The following LRRK2 variants were observed in gnomAD, a reference collection of about 807,000 sequenced individuals.
LRRK2 encodes the protein leucine-rich repeat serine/threonine-protein kinase 2.
A neutral mutation model predicts 302.6 loss-of-function variants in LRRK2; 203 were observed. The ratio of observed to expected loss-of-function variants is 0.67; its 90% CI spans 0.60 to 0.75. LRRK2 has a LOEUF of 0.75. Among genes scored for constraint, LRRK2 ranks in the 30% least tolerant of loss-of-function variants. The pLI is 0.00. For synonymous variants in LRRK2, 1,066 were observed against 1,031.9 expected, an observed-to-expected ratio of 1.03 and a Z score of -0.63; for missense variants, 2,830 against 2,951.0, an observed-to-expected ratio of 0.96 and a Z score of 0.95.
chr12:40,284,002 T>C lies in LRRK2; in HGVS notation c.2369T>C (p.Leu790Pro). 6.2e-7 allele frequency: 1 copy of C among 1,614,042 alleles called. No individual in the cohort carries two copies. The highest frequency in any genetic ancestry group is 8.5e-7 in the Non-Finnish European group (1 of 1,179,920). Reference protein sequence around the residue: ...GKGDSQIISLLLRRLALDVAN... With the variant: ...GKGDSQIISLPLRRLALDVAN... ...GGTGACAGCCAGATCATCAGCTTGCTCTTAAGGAGGCTGGCCCTGGATGTG... is the reference window on the plus strand; with the variant it reads ...GGTGACAGCCAGATCATCAGCTTGCCCTTAAGGAGGCTGGCCCTGGATGTG... The change falls in exon 19 of 51, where the codon CTC becomes CCC. Residue 790 changes from leucine to proline, a missense_variant. Transcript: ENST00000298910.
chr12:40,226,146 C>T (rs966619942), intron 2 of LRRK2, among the ~76,000 whole-genome samples: 1 of 152,110 alleles, frequency 6.6e-6, no homozygotes, highest in Non-Finnish European at 1.5e-5. Flanking sequence ...CTTGTAGTAT[C>T]TAAAGAAAGT....
intron 20 of LRRK2, among the ~76,000 whole-genome samples, chr12:40,292,265 C>G (rs1944187604): frequency 1.3e-5 from 2 of 152,090 alleles, no homozygotes; most frequent in South Asian, 4.1e-4. Flanking sequence ...TTACATAGTC[C>G]TATGCTGTCT....
chr12:40,304,402 TACTTCC>T (rs1174386460), intron 27 of LRRK2: 2 of 532,452 alleles, frequency 3.8e-6, no homozygotes, highest in African/African-American at 3.8e-5. Flanking sequence ...GTAGCCTTAA[TACTTCC>T]ACTAAACAAT....
chr12:40,319,786 A>AT (rs373676201), intron 33 of LRRK2, among the ~76,000 whole-genome samples: 205 of 31,094 alleles, frequency 6.6e-3, no homozygotes, highest in Middle Eastern at 0.045. Flanking sequence ...TAATTTAACA[A>AT]TTTTTTTTTT....
chr12:40,318,795 T>C (rs548121715), intron 33 of LRRK2, among the ~76,000 whole-genome samples: 2 of 152,080 alleles, frequency 1.3e-5, no homozygotes, highest in African/African-American at 2.4e-5. Context: ...AACAATTCTC[T>C]TTACCACCTA....
intron 20 of LRRK2, among the ~76,000 whole-genome samples, chr12:40,287,828 C>T (rs559290044): frequency 2.6e-5 from 4 of 151,934 alleles, no homozygotes; most frequent in East Asian, 3.9e-4. Context: ...TAGATCCTTT[C>T]GTGGCTTGTG....
intron 6 of LRRK2, among the ~76,000 whole-genome samples, chr12:40,241,532 ATTAC>A (rs1941719856): frequency 6.6e-6 from 1 of 152,086 alleles, no homozygotes; most frequent in Admixed American, 6.6e-5. Flanking sequence ...TATTTTATGT[ATTAC>A]TTGTGTGGGT....
intron 18 of LRRK2, among the ~76,000 whole-genome samples, chr12:40,283,572 GGTGGA>G (rs1943795238): frequency 1.3e-5 from 2 of 152,168 alleles, no homozygotes; most frequent in Non-Finnish European, 2.9e-5. Flanking sequence ...GTGCATATTT[GGTGGA>G]GTCTGGATGT....
chr12:40,264,470 T>A lies in LRRK2; in HGVS notation c.1656+569T>A, dbSNP rs544654303. Among the ~76,000 whole-genome samples, 3 of 152,114 alleles carry A rather than the reference T, an allele frequency of 2.0e-5. No individual in the cohort carries two copies. In the South Asian group the frequency reaches 6.2e-4, roughly 32 times the overall value. On this transcript the variant is annotated intron_variant, in intron 14 of 50. Transcript: ENST00000298910. Reference sequence around the variant, plus strand: ...CCTGTCTCTACTAAAAATACAAAAATTAACTGGGCATGGTGGCACGTGCCT... The same window carrying A: ...CCTGTCTCTACTAAAAATACAAAAAATAACTGGGCATGGTGGCACGTGCCT...
At chr12:40,354,207 T>G in intron 44 of LRRK2, 92 bp from the exon 45 acceptor site, 1 of 1,045,130 alleles carries the variant, frequency 9.6e-7, no homozygotes, top group Non-Finnish European at 1.4e-6. Flanking sequence ...GCAAAAAGAG[T>G]TATGTTGATA....
At chr12:40,228,433 CTTTTT>C (rs35333613) in intron 2 of LRRK2, among the ~76,000 whole-genome samples, 13 of 19,312 alleles carry the variant, frequency 6.7e-4, no homozygotes, top group South Asian at 2.3e-3. Flanking sequence ...AAAAATAAGA[CTTTTT>C]TTTTTTTTTT....
intron 41 of LRRK2, among the ~76,000 whole-genome samples, chr12:40,341,938 G>T (rs1946057104): frequency 6.6e-6 from 1 of 152,232 alleles, no homozygotes; most frequent in African/African-American, 2.4e-5. Flanking sequence ...CTTAAAGGAT[G>T]AAATTCCATA....
At chr12:40,359,570 A>T in intron 47 of LRRK2, 126 bp downstream of exon 47, 1 of 881,058 alleles carries the variant, frequency 1.1e-6, no homozygotes, top group South Asian at 2.0e-5. Context: ...ATTTTCTATC[A>T]TAAAATTAAA....
Position 40,277,818 on chromosome 12 carries a change from T to A in LRRK2, c.1942-70T>A. On this transcript the variant is annotated intron_variant, in intron 16 of 50. Transcript: ENST00000298910. ...GGTATTGTTTCATATACAAACTCTC[T>A]CTGCTTTATACTGTTTATTCATTTT... 2.2e-6 allele frequency: 3 copies of A among 1,384,922 alleles called. No individual in the cohort carries two copies. The South Asian group carries it at 3.8e-5, about 18-fold the overall frequency. 85.8% of individuals were successfully genotyped at this position (1,384,922 alleles called of 1,614,324 possible). A position where few individuals can be genotyped will look rare whatever the true frequency, so the allele number is the denominator to read the frequency against.
intron 13 of LRRK2, among the ~76,000 whole-genome samples, chr12:40,261,066 A>G (rs1213919518): frequency 6.6e-6 from 1 of 152,146 alleles, no homozygotes; most frequent in Non-Finnish European, 1.5e-5. Context: ...TCTGGTGGCT[A>G]TTCAATCAGT....
At chr12:40,347,616 C>T (rs190358413) in intron 42 of LRRK2, among the ~76,000 whole-genome samples, 4 of 152,266 alleles carry the variant, frequency 2.6e-5, no homozygotes, top group Admixed American at 2.0e-4. Flanking sequence ...ATTGGATAAA[C>T]CTTAGATATA....
At chr12:40,232,089 A>G (rs1941228622) in intron 2 of LRRK2, among the ~76,000 whole-genome samples, 185 bp from the exon 3 acceptor site, 1 of 152,114 alleles carries the variant, frequency 6.6e-6, no homozygotes, top group African/African-American at 2.4e-5. Flanking sequence ...AGAAAGGTGT[A>G]TCCTAAGAAT....
chr12:40,346,716 G>A, intron 41 of LRRK2, 37 bp from the exon 42 acceptor site: 3 of 1,602,398 alleles, frequency 1.9e-6, no homozygotes, highest in Non-Finnish European at 2.6e-6. Context: ...GAGCCCTGAT[G>A]TTGGTCATAT....
chr12:40,362,970 A>G (rs922147395), intron 47 of LRRK2, among the ~76,000 whole-genome samples: 3 of 152,052 alleles, frequency 2.0e-5, no homozygotes, highest in African/African-American at 7.2e-5. Context: ...TCAGCATTTT[A>G]TATTTTATAA....
Sources: gnomAD v4.1 joint callset for allele counts (sites outside exome capture counted in the v4.1 genomes callset) on GRCh38, gnomAD v4.1.1 for gene constraint, MANE v1.5 for transcripts, NCBI Gene and HGNC (gene_info 2026-07-23, HGNC 2026-07-21) for gene names.